TBC1D16: variants seen among roughly 807,000 people sequenced by gnomAD.
TBC1D16 encodes CTD-2529O21.1.
Under a neutral mutation model 74.7 loss-of-function variants are expected in TBC1D16, and 58 were observed. The ratio of observed to expected loss-of-function variants is 0.78; its 90% confidence interval spans 0.63 to 0.97. The LOEUF (loss-of-function observed/expected upper bound fraction) is 0.97. TBC1D16 is among the 50% of genes least tolerant of loss of function. The pLI, the probability that TBC1D16 is intolerant of heterozygous loss-of-function variation, is 0.00. For missense variants in TBC1D16, 1,014 were observed against 1,079.5 expected (o/e 0.94, Z 0.85); for synonymous variants, 493 against 474.7 (o/e 1.04, Z -0.50).
In TBC1D16 at chr17:79,954,966, C is replaced by T. The variant is rs542157445; in HGVS notation, c.780-2148G>A. Among the ~76,000 whole-genome samples, 2 of 152,074 alleles carry T rather than the reference C, an allele frequency of 1.3e-5. No individual in the cohort carries two copies. The highest frequency in any genetic ancestry group is 2.9e-5 in the Non-Finnish European group (2 of 67,968). On this transcript the variant is annotated intron_variant, in intron 3 of 11. Coordinates refer to ENST00000310924, the MANE Select transcript of TBC1D16 (RefSeq NM_019020.4). The surrounding 1 kb of genome is among the most constrained non-coding windows in gnomAD (Gnocchi z 5.5). ...GCTTTGGCAGTCACGGATGGAGGGC[C>T]CCCTCCCTGCTGCCGTGGCCACAGA...
chr17:80,012,370 G>A (rs892266536), intron 2 of TBC1D16, among the ~76,000 whole-genome samples: 3 of 152,164 alleles, frequency 2.0e-5, no homozygotes, highest in Non-Finnish European at 4.4e-5. Context: ...CCTTTCTAGG[G>A]CACTCCAGGG....
chr17:79,953,924 C>T (rs1442241894), intron 3 of TBC1D16, among the ~76,000 whole-genome samples: 1 of 152,102 alleles, frequency 6.6e-6, no homozygotes, highest in Non-Finnish European at 1.5e-5. Context: ...ACGTCCACCA[C>T]CATGACCAGC....
rs1025485877 is a variant in TBC1D16, at chr17:79,945,088, C to T, written c.1729-1G>A. 4 of 1,577,482 alleles carry T rather than the reference C, an allele frequency of 2.5e-6. No individual in the cohort carries two copies. Among genetic ancestry groups the T allele is most frequent in the Non-Finnish European group, 3.4e-6 (4 of 1,162,888 alleles). On this transcript the variant is annotated splice_acceptor_variant, in intron 9 of 11. Transcript: ENST00000310924. LOFTEE classifies it high-confidence loss of function. ...GCCGCAGCAGCTCGCGCAGGTACAGCTGGGGGTGAGGCCGTCACGCGTTAG... is the reference window on the plus strand; with the variant it reads ...GCCGCAGCAGCTCGCGCAGGTACAGTTGGGGGTGAGGCCGTCACGCGTTAG...
rs566142020 is a variant in TBC1D16 at position 79,985,627 on chromosome 17, C to T, written c.779+24533G>A. On this transcript the variant is annotated intron_variant, in intron 3 of 11. Transcript: ENST00000310924. The surrounding 1 kb of genome is among the most constrained non-coding windows in gnomAD (Gnocchi z 4.9). ...GGTGCTGGGTCCAAGGGTCCCCATC[C>T]GGTGGCAGCCATTCCGCATTGATCT... Among the ~76,000 whole-genome samples the T allele has an allele frequency of 1.3e-4, 20 of 152,268 alleles. No individual in the cohort carries two copies. Among genetic ancestry groups the T allele is most frequent in the African/African-American group, 3.9e-4 (16 of 41,558 alleles).
Position 80,000,461 on chromosome 17 carries a change from C to T in TBC1D16, c.779+9699G>A, listed in dbSNP as rs987351846. 1.6e-4 allele frequency among the ~76,000 whole-genome samples: 24 copies of T among 152,298 alleles called. No homozygotes were observed. Among genetic ancestry groups the T allele is most frequent in the Admixed American group, 1.4e-3 (22 of 15,292 alleles). On this transcript the variant is annotated intron_variant, in intron 3 of 11. Transcript: ENST00000310924. The surrounding 1 kb of genome is among the most constrained non-coding windows in gnomAD (Gnocchi z 4.1). ...AAGGAATGCCTGCAGCCACTCAAAC[C>T]GGAAGAGACCAGGAAGGACCCTCCC... is the stretch of plus-strand genomic sequence containing the variant.
rs1190555083 is a variant in TBC1D16, at chr17:79,956,523, G to C, written c.780-3705C>G. Among the ~76,000 whole-genome samples, 2 of 152,112 alleles carry C rather than the reference G, an allele frequency of 1.3e-5. No homozygotes were observed. The highest frequency in any genetic ancestry group is 4.8e-5 in the African/African-American group (2 of 41,406). On this transcript the variant is annotated intron_variant, in intron 3 of 11. Transcript: ENST00000310924. This position sits in a 1 kb window ranked among gnomAD's most constrained non-coding sequence, Gnocchi z 4.0. The stretch of plus-strand genomic sequence containing the variant: ...TCTGCCTTGGCCTCCCAAAGTGCTG[G>C]GACTACAGGCGTGAGCCACCACGCT...
intron 1 of TBC1D16, among the ~76,000 whole-genome samples, chr17:80,032,747 T>C (rs569380612): frequency 6.6e-6 from 1 of 152,278 alleles, no homozygotes; most frequent in Admixed American, 6.5e-5. Flanking sequence ...ATACAAATGG[T>C]GTACAATTCG....
At position 79,948,773 on chromosome 17, in the gene TBC1D16, C is replaced by T. The variant is rs550686505; in HGVS notation, c.1541+99G>A. 2.2e-3 allele frequency: 3,201 copies of T among 1,480,202 alleles called. 4 individuals are homozygous for T. Among genetic ancestry groups the T allele is most frequent in the Middle Eastern group, 3.7e-3 (21 of 5,706 alleles). The allele number at this position is 1,480,202 out of a possible 1,614,324, so 91.7% of individuals were successfully genotyped here. A position where few individuals can be genotyped will look rare whatever the true frequency, so the allele number is the denominator to read the frequency against. ...TTGATGTATGAACCTGGAAGAGAGC[C>T]CCTGCAGAAACTCGCTGGGGGCTCA... On this transcript the variant is annotated intron_variant, in intron 8 of 11. Coordinates refer to ENST00000310924, the MANE Select transcript of TBC1D16 (RefSeq NM_019020.4).
intron 3 of TBC1D16, among the ~76,000 whole-genome samples, chr17:79,978,933 G>A (rs1448955329): frequency 2.6e-5 from 4 of 152,308 alleles, no homozygotes; most frequent in East Asian, 1.9e-4. Context: ...AGAGCCAATC[G>A]TTCTGTTTTC....
rs2031789985 is a variant in TBC1D16 at position 79,938,958 on chromosome 17, A to T, written c.*1901T>A. Reference sequence around the variant, plus strand: ...AACAACCCACTGGCCCTAAACAAACAAGCCCAGCCTAGACCAGAAGAATCA... The same window carrying T: ...AACAACCCACTGGCCCTAAACAAACTAGCCCAGCCTAGACCAGAAGAATCA... On this transcript the variant is annotated 3_prime_UTR_variant, in exon 12 of 12. Transcript: ENST00000310924. 1 of 152,578 alleles carries T rather than the reference A, an allele frequency of 6.6e-6. No individual in the cohort carries two copies. The highest frequency in any genetic ancestry group is 2.1e-4 in the South Asian group (1 of 4,826). 9.5% of individuals were successfully genotyped at this position (152,578 alleles called of 1,614,324 possible).
rs1242883944 is a variant in TBC1D16 at position 79,994,085 on chromosome 17, C to T, written c.779+16075G>A. ...TCTTTTTGGTTCAGGAGGTTTGAGG[C>T]ACTTATTTCCTCCCTGTCCTGACAG... On this transcript the variant is annotated intron_variant, in intron 3 of 11. Transcript: ENST00000310924. This position sits in a 1 kb window ranked among gnomAD's most constrained non-coding sequence, Gnocchi z 4.6. Among the ~76,000 whole-genome samples, 2 of 152,108 alleles carry T rather than the reference C, an allele frequency of 1.3e-5. No individual in the cohort carries two copies. Among genetic ancestry groups the T allele is most frequent in the East Asian group, 3.8e-4 (2 of 5,196 alleles).
chr17:79,959,976 C>T (rs2143879548), intron 3 of TBC1D16, among the ~76,000 whole-genome samples: 1 of 151,268 alleles, frequency 6.6e-6, no homozygotes, highest in East Asian at 1.9e-4. Context: ...AAACTTGTAT[C>T]CAGAGTATGT....
At chr17:79,989,580 G>A (rs1199329633) in intron 3 of TBC1D16, among the ~76,000 whole-genome samples, 1 of 152,238 alleles carries the variant, frequency 6.6e-6, no homozygotes, top group Non-Finnish European at 1.5e-5. Context: ...CTGGCCTTGT[G>A]GAGTTCGGAA....
chr17:80,028,802 C>T lies in TBC1D16; in HGVS notation c.-63+6993G>A, dbSNP rs150129473. 6.9e-3 allele frequency among the ~76,000 whole-genome samples: 1,043 copies of T among 151,826 alleles called. 16 individuals carry two copies. Among genetic ancestry groups the T allele is most frequent in the African/African-American group, 0.023 (954 of 41,406 alleles). On this transcript the variant is annotated intron_variant, in intron 1 of 11. Transcript: ENST00000310924. ...ACTTTTGTATTTTTTTTAGTATAGA[C>T]GGGGTTTCACCATGTGGGCCAAGAT...
chr17:79,984,611 G>A (rs1418853581), intron 3 of TBC1D16, among the ~76,000 whole-genome samples: 1 of 77,406 alleles, frequency 1.3e-5, no homozygotes, highest in East Asian at 2.9e-4. Context: ...AAAAGAGGGA[G>A]GGAGGGAGTG....
chr17:79,947,567 C>T (rs1010332239), intron 9 of TBC1D16, 78 bp downstream of exon 9: 23 of 1,527,710 alleles, frequency 1.5e-5, no homozygotes, highest in African/African-American at 5.5e-5. Flanking sequence ...CGCATCACCA[C>T]GGCAACCCCG....
chr17:80,002,754 A>G (rs2035538337), intron 3 of TBC1D16, among the ~76,000 whole-genome samples: 1 of 152,236 alleles, frequency 6.6e-6, no homozygotes, highest in Non-Finnish European at 1.5e-5. Flanking sequence ...ACCAAAGTCC[A>G]GTTGCTTGGC....
rs1379386289 is a variant in TBC1D16, at chr17:80,013,465, C to A, written c.83G>T (p.Gly28Val). Reference protein sequence around the residue: ...LTLTPGGSGSGSPSVLDGEII... With the variant: ...LTLTPGGSGSVSPSVLDGEII... ...CTCTCCATCCAGGACAGAGGGGGAC[C>A]CGCTGCCGCTGCCACCGGGGGTGAG... Residue 28 changes from glycine to valine, a missense_variant, in exon 2 of 12, where the codon GGG (glycine) becomes GTG (valine). By Grantham distance (109) the Gly-to-Val change is moderately radical. Coordinates refer to ENST00000310924, the MANE Select transcript of TBC1D16 (RefSeq NM_019020.4). 3.1e-6 allele frequency: 5 copies of A among 1,595,788 alleles called. No homozygotes were observed. Among genetic ancestry groups the A allele is most frequent in the Non-Finnish European group, 4.3e-6 (5 of 1,172,112 alleles).
At position 79,980,976 on chromosome 17, in the gene TBC1D16, A is replaced by G. The variant is rs541329562; in HGVS notation, c.780-28158T>C. On this transcript the variant is annotated intron_variant, in intron 3 of 11. Transcript: ENST00000310924. This position sits in a 1 kb window ranked among gnomAD's most constrained non-coding sequence, Gnocchi z 7.0. ...CTGAGGGAACTGGTGGGTACTCTCC[A>G]GCACCCCAACCCCAAAGGGCAAACA... Among the ~76,000 whole-genome samples, 33 of 152,316 alleles carry G rather than the reference A, an allele frequency of 2.2e-4. No homozygotes were observed. In the South Asian group the frequency reaches 4.8e-3, roughly 22 times the overall value.
Sources: gnomAD v4.1 joint callset for allele counts (sites outside exome capture counted in the v4.1 genomes callset) on GRCh38, gnomAD v4.1.1 for gene constraint, Gnocchi (gnomAD v3.1) non-coding constraint, MANE v1.5 for transcripts, NCBI Gene and HGNC (gene_info 2026-07-23, HGNC 2026-07-21) for gene names.